The following ASTN1 variants were observed in gnomAD, a reference collection of about 807,000 sequenced individuals.
ASTN1 encodes astrotactin 1.
In ASTN1, 41 loss-of-function variants were observed where a neutral mutation model predicts 140.7. The observed-to-expected ratio is 0.29, with a 90% CI of 0.23 to 0.38. The LOEUF is 0.38. Ranked by LOEUF, ASTN1 falls within the 10% of genes least tolerant of loss-of-function variation. The pLI is 1.00. For synonymous variants in ASTN1, 640 were observed against 652.2 expected (o/e 0.98, Z 0.29); for missense variants, 1,479 against 1,678.8 (o/e 0.88, Z 2.08).
At chr1:177,130,623 C>A (rs1558117461) in intron 1 of ASTN1, among the ~76,000 whole-genome samples, 2 of 152,294 alleles carry the variant, frequency 1.3e-5, no homozygotes, top group African/African-American at 2.4e-5. Context: ...TCTGCACCCA[C>A]CAGAGTTAGC....
chr1:177,084,883 A>G (rs557824759), intron 1 of ASTN1, among the ~76,000 whole-genome samples: 2 of 151,918 alleles, frequency 1.3e-5, no homozygotes, highest in Non-Finnish European at 2.9e-5. Context: ...TCATGTTCCC[A>G]TTCACTTCTT....
intron 1 of ASTN1, among the ~76,000 whole-genome samples, chr1:177,102,788 T>C (rs988722497): frequency 7.2e-5 from 11 of 152,220 alleles, no homozygotes; most frequent in African/African-American, 1.9e-4. Flanking sequence ...ATGTGTCTAA[T>C]TTCTTTTAGA....
chr1:177,127,418 A>C (rs925001899), intron 1 of ASTN1, among the ~76,000 whole-genome samples: 3 of 152,100 alleles, frequency 2.0e-5, no homozygotes, highest in Non-Finnish European at 2.9e-5. Flanking sequence ...CCAGTTTTTC[A>C]CCCATGTCAC....
chr1:177,140,595 T>C (rs541606884), intron 1 of ASTN1, among the ~76,000 whole-genome samples: 20 of 152,328 alleles, frequency 1.3e-4, no homozygotes, highest in East Asian at 1.9e-4. Flanking sequence ...AGTAGATTCA[T>C]TGGGTGTCCA....
intron 8 of ASTN1, among the ~76,000 whole-genome samples, chr1:176,983,034 C>T (rs1016143650): frequency 1.3e-5 from 2 of 152,016 alleles, no homozygotes; most frequent in Non-Finnish European, 2.9e-5. Context: ...CTGATGTTTC[C>T]AGGTATGCAC....
intron 5 of ASTN1, among the ~76,000 whole-genome samples, chr1:177,026,979 T>C (rs573524545): frequency 1.4e-4 from 22 of 152,300 alleles, no homozygotes; most frequent in African/African-American, 4.8e-4. Context: ...GCTCATGTAC[T>C]TTCTGGCTTC....
rs777018436 is a variant in ASTN1 at position 176,949,346 on chromosome 1, T to G, written c.1893A>C (p.Pro631=). ...TGTCCTTCATGGGACTGAGTCCAGA[T>G]GGGCACTGGCACAATCAGAAAACAT... The part of the protein sequence containing the change: ...RKLDSTGCVC[P]SGLSPMKDSS... The change falls in exon 12 of 23, where the codon CCA becomes CCC. Residue 631 remains proline, a synonymous_variant. Coordinates refer to ENST00000361833, the MANE Select transcript of ASTN1 (RefSeq NM_004319.3). 6.2e-7 allele frequency: 1 copy of G among 1,613,348 alleles called. No individual in the cohort carries two copies. The highest frequency in any genetic ancestry group is 1.1e-5 in the South Asian group (1 of 91,050).
chr1:177,136,605 C>T lies in ASTN1; in HGVS notation c.283+27789G>A, dbSNP rs1333988291. On this transcript the variant is annotated intron_variant, in intron 1 of 22. Transcript: ENST00000361833. ...CTGACCTCAGGTGATCCCCCTGCCTCGGCTTCCCAAAGTGCTGGGATTACA... is the reference window on the plus strand; with the variant it reads ...CTGACCTCAGGTGATCCCCCTGCCTTGGCTTCCCAAAGTGCTGGGATTACA... Among the ~76,000 whole-genome samples the T allele has an allele frequency of 5.3e-5, 8 of 152,202 alleles. No homozygotes were observed. In the East Asian group the frequency reaches 7.8e-4, roughly 15 times the overall value.
chr1:176,880,915 C>CG (rs1441245821), intron 20 of ASTN1, among the ~76,000 whole-genome samples: 2 of 152,220 alleles, frequency 1.3e-5, no homozygotes, highest in African/African-American at 4.8e-5. Context: ...AGGGGATTCT[C>CG]AGAGTCAGCA....
Position 177,009,681 on chromosome 1 carries a change from C to T in ASTN1, c.1523+5110G>A, listed in dbSNP as rs1419970241. The stretch of plus-strand genomic sequence containing the variant: ...ATGTGTGTGTGCCTGTGTGCACCTA[C>T]TTGGCATGTCATGGTAAGTGCATTG... On this transcript the variant is annotated intron_variant, in intron 8 of 22. Coordinates refer to ENST00000361833, the MANE Select transcript of ASTN1 (RefSeq NM_004319.3). 2.6e-5 allele frequency among the ~76,000 whole-genome samples: 4 copies of T among 152,330 alleles called. No individual in the cohort carries two copies. The East Asian group carries it at 7.7e-4, about 29-fold the overall frequency.
At chr1:176,889,643 C>T (rs1010513909) in intron 17 of ASTN1, among the ~76,000 whole-genome samples, 5 of 152,224 alleles carry the variant, frequency 3.3e-5, no homozygotes, top group Non-Finnish European at 7.3e-5. Context: ...GCCCCCTCCC[C>T]AGATCGGAAG....
At chr1:176,945,818 T>G (rs188010521) in intron 13 of ASTN1, 108 bp downstream of exon 13, 329 of 1,119,544 alleles carry the variant, frequency 2.9e-4, no homozygotes, top group Admixed American at 5.9e-4. Context: ...CCTTTAGACA[T>G]ATCATATTTA....
chr1:176,878,738 C>T (rs546765142), intron 20 of ASTN1, among the ~76,000 whole-genome samples: 13 of 152,212 alleles, frequency 8.5e-5, no homozygotes, highest in African/African-American at 2.9e-4. Context: ...TTCAAGAAGG[C>T]GCCCAAAGGT....
Position 177,164,530 on chromosome 1 carries a change from G to A in ASTN1, c.147C>T (p.Arg49=). 2 of 1,613,920 alleles carry A rather than the reference G, an allele frequency of 1.2e-6. No homozygotes were observed. The highest frequency in any genetic ancestry group is 1.3e-5 in the African/African-American group (1 of 75,022). Residue 49 remains arginine, a synonymous_variant, in exon 1 of 23, where the codon CGC becomes CGT. Transcript: ENST00000361833. The part of the protein sequence containing the change: ...SITVSALPFL[R]ENDLSIMHSP... ...TGTGCATGATGCTCAGGTCGTTCTC[G>A]CGCAGGAAGGGCAGTGCCGACACCG... is the stretch of plus-strand genomic sequence containing the variant.
intron 1 of ASTN1, among the ~76,000 whole-genome samples, chr1:177,151,867 G>A (rs1015026259): frequency 6.6e-6 from 1 of 152,038 alleles, no homozygotes; most frequent in Non-Finnish European, 1.5e-5. Flanking sequence ...AAGCAGCAGT[G>A]GAGAGAAAAA....
At chr1:177,051,589 T>C (rs1285252667) in intron 2 of ASTN1, among the ~76,000 whole-genome samples, 1 of 152,210 alleles carries the variant, frequency 6.6e-6, no homozygotes, top group Non-Finnish European at 1.5e-5. Context: ...GCTGGCTACA[T>C]TTACTATACC....
intron 21 of ASTN1, among the ~76,000 whole-genome samples, chr1:176,871,975 G>T (rs1430086362): frequency 6.6e-6 from 1 of 152,038 alleles, no homozygotes; most frequent in Admixed American, 6.5e-5. Flanking sequence ...GATTAGAAAA[G>T]AACTGAGATC....
rs780131943 is a variant in ASTN1 at position 177,023,448 on chromosome 1, C to T, written c.1394G>A (p.Arg465Gln). ...SGPWAMDLCA[R>Q]RLLDPCEHQC... The stretch of plus-strand genomic sequence containing the variant: ...GTGTTCACAGGGGTCCAGGAGCCGC[C>T]GGGCACAGAGGTCCATGGCCCAGGG... The change falls in exon 7 of 23, where the codon CGG becomes CAG. Residue 465 changes from arginine (R) to glutamine (Q), a missense_variant. Arg to Gln is a conservative substitution (Grantham distance 43, BLOSUM62 1). This residue lies in a region of ASTN1 where 729 missense variants were observed against 860.4 expected (regional missense o/e 0.85). Transcript: ENST00000361833. The T allele has an allele frequency of 1.2e-5, 19 of 1,605,934 alleles. No homozygotes were observed. The highest frequency in any genetic ancestry group is 1.6e-4 in the Middle Eastern group (1 of 6,062).
At position 176,876,561 on chromosome 1, in the gene ASTN1, C is replaced by T. The variant is rs151279922; in HGVS notation, c.3439G>A (p.Val1147Met). The change falls in exon 21 of 23, where the codon GTG becomes ATG. Residue 1147 changes from valine (V) to methionine (M), a missense_variant. Around this residue, in one of 3 missense-constraint regions of ASTN1, gnomAD observed 746 missense variants for 800.9 expected, o/e 0.93. Coordinates refer to ENST00000361833, the MANE Select transcript of ASTN1 (RefSeq NM_004319.3). ...CCTTGAGCCTTGACATCATCCACCA[C>T]GGGGCATGGGGTCTTCACGATCACG... ...SDVIVKTPCP[V>M]VDDVKAQEIA... 6.5e-5 allele frequency: 105 copies of T among 1,614,162 alleles called. No homozygotes were observed. The highest frequency in any genetic ancestry group is 3.3e-4 in the Middle Eastern group (2 of 6,062).
Sources: allele counts gnomAD v4.1 joint callset (sites outside exome capture counted in the v4.1 genomes callset), GRCh38; gene constraint gnomAD v4.1.1; regional missense constraint gnomAD v4.1.1; transcripts MANE v1.5; gene names NCBI Gene and HGNC (gene_info 2026-07-23, HGNC 2026-07-21).